Variants in HECW2 observed in about 807,000 individuals in gnomAD.
HECW2 encodes E3 ubiquitin-protein ligase HECW2.
In HECW2, 61 loss-of-function variants were observed where a neutral mutation model predicts 175.2. The observed-to-expected ratio is 0.35, with a 90% CI of 0.28 to 0.43. HECW2 has a LOEUF of 0.43. Ranked by LOEUF, HECW2 falls within the 20% of genes least tolerant of loss-of-function variation. HECW2 has a pLI of 1.00. For synonymous variants in HECW2, 671 were observed against 731.0 expected, an observed-to-expected ratio of 0.92 and a Z score of 1.32; for missense variants, 1,524 against 2,000.5, an observed-to-expected ratio of 0.76 and a Z score of 4.54.
intron 1 of HECW2, among the ~76,000 whole-genome samples, chr2:196,566,945 T>TC (rs1042907755): frequency 2.0e-5 from 3 of 152,242 alleles, no homozygotes; most frequent in African/African-American, 7.2e-5. Context: ...TGCTAGGCAT[T>TC]CCCCAAAATC....
intron 1 of HECW2, among the ~76,000 whole-genome samples, chr2:196,517,924 G>GC (rs1224346177): frequency 4.6e-5 from 7 of 152,134 alleles, no homozygotes; most frequent in African/African-American, 1.7e-4. Context: ...CCACCTCAAA[G>GC]CATCACCCAG....
chr2:196,515,818 T>G (rs1253404107), intron 1 of HECW2, among the ~76,000 whole-genome samples: 1 of 152,116 alleles, frequency 6.6e-6, no homozygotes, highest in East Asian at 1.9e-4. Flanking sequence ...TTTGCTACTA[T>G]GAGTGTTATT....
intron 2 of HECW2, among the ~76,000 whole-genome samples, chr2:196,385,161 C>G (rs1349419078): frequency 6.6e-6 from 1 of 152,102 alleles, no homozygotes; most frequent in Non-Finnish European, 1.5e-5. Flanking sequence ...ATCGTCCTGC[C>G]TTAGCCTCCC....
At chr2:196,377,848 A>G (rs2105914951) in intron 2 of HECW2, among the ~76,000 whole-genome samples, 1 of 152,398 alleles carries the variant, frequency 6.6e-6, no homozygotes, top group Middle Eastern at 3.4e-3. Flanking sequence ...AATACTGCTA[A>G]GCCAAATTAG....
chr2:196,328,075 A>T (rs1397168720), intron 5 of HECW2, among the ~76,000 whole-genome samples: 1 of 151,984 alleles, frequency 6.6e-6, no homozygotes, highest in East Asian at 1.9e-4. Flanking sequence ...AATTTTTTTT[A>T]CCTGTAAATT....
intron 2 of HECW2, among the ~76,000 whole-genome samples, chr2:196,362,376 CACACAG>C (rs1247818224): frequency 3.6e-4 from 43 of 118,844 alleles, no homozygotes; most frequent in African/African-American, 1.1e-3. Flanking sequence ...CACACACACA[CACACAG>C]AGTGGGCTGA....
intron 1 of HECW2, among the ~76,000 whole-genome samples, chr2:196,441,638 G>A (rs1696048361): frequency 6.6e-6 from 1 of 152,064 alleles, no homozygotes; most frequent in South Asian, 2.1e-4. Flanking sequence ...CCCCTCCAGT[G>A]GATTTCCCCT....
rs1214987924 is a variant in HECW2, at chr2:196,593,515, C to G, written c.-43G>C. ...AGAGTCCGGCCTCCTCACCTCCAGC[C>G]GCGCCGGCGCCCTTCCCGCTAGACG... On this transcript the variant is annotated 5_prime_UTR_variant, in exon 1 of 29. Transcript: ENST00000644978. 1 of 152,330 alleles carries G rather than the reference C, an allele frequency of 6.6e-6. No homozygotes were observed. The highest frequency in any genetic ancestry group is 1.5e-5 in the Non-Finnish European group (1 of 68,152). The allele number at this position is 152,330 out of a possible 1,614,324, so 9.4% of individuals were successfully genotyped here.
intron 2 of HECW2, among the ~76,000 whole-genome samples, chr2:196,412,831 G>T (rs1472745943): frequency 1.3e-5 from 2 of 152,154 alleles, no homozygotes; most frequent in African/African-American, 2.4e-5. Context: ...TTAAAATACT[G>T]CCCATGAATC....
chr2:196,550,622 A>G (rs1347153773), intron 1 of HECW2, among the ~76,000 whole-genome samples: 2 of 152,196 alleles, frequency 1.3e-5, no homozygotes, highest in African/African-American at 2.4e-5. Flanking sequence ...ATAAATACAC[A>G]GGTAAAGGGA....
intron 2 of HECW2, among the ~76,000 whole-genome samples, chr2:196,369,604 T>C (rs2105899874): frequency 6.6e-6 from 1 of 152,152 alleles, no homozygotes; most frequent in African/African-American, 2.4e-5. Flanking sequence ...GTCTTTCCCT[T>C]CAGGGCAGCA....
chr2:196,578,886 C>T (rs1159888542), intron 1 of HECW2, among the ~76,000 whole-genome samples: 1 of 152,090 alleles, frequency 6.6e-6, no homozygotes, highest in Admixed American at 6.6e-5. Flanking sequence ...CAACACCAAA[C>T]ATTAACTCAA....
chr2:196,373,459 T>C (rs555189182), intron 2 of HECW2, among the ~76,000 whole-genome samples: 54 of 152,344 alleles, frequency 3.5e-4, no homozygotes, highest in African/African-American at 1.2e-3. Context: ...ATGGCATTCA[T>C]CCAAAATGTC....
chr2:196,441,264 C>T, intron 1 of HECW2, among the ~76,000 whole-genome samples: 1 of 152,128 alleles, frequency 6.6e-6, no homozygotes, highest in South Asian at 2.1e-4. Context: ...TTAAGAAATG[C>T]ATCCTAGGAT....
At chr2:196,260,186 T>C (rs1322012399) in intron 17 of HECW2, 1 of 152,200 alleles carries the variant, frequency 6.6e-6, no homozygotes, top group African/African-American at 2.4e-5. Context: ...AAACTTTTCA[T>C]CACTTTCCAG....
chr2:196,587,270 A>G (rs1476538531), intron 1 of HECW2, among the ~76,000 whole-genome samples: 1 of 152,264 alleles, frequency 6.6e-6, no homozygotes, highest in Non-Finnish European at 1.5e-5. Context: ...CCATGGCTTC[A>G]TGCCACTATT....
At chr2:196,340,203 A>ATG (rs1692696021) in intron 3 of HECW2, among the ~76,000 whole-genome samples, 1 of 152,142 alleles carries the variant, frequency 6.6e-6, no homozygotes, top group Non-Finnish European at 1.5e-5. Context: ...TAATCTCTTC[A>ATG]CAATTTTAAA....
At chr2:196,518,612 G>A (rs367673936) in intron 1 of HECW2, among the ~76,000 whole-genome samples, 4 of 135,578 alleles carry the variant, frequency 3.0e-5, no homozygotes, top group East Asian at 2.2e-4. Flanking sequence ...CTGAGATTGC[G>A]CCACTGCACT....
chr2:196,460,465 C>T (rs747623405), intron 1 of HECW2, among the ~76,000 whole-genome samples: 13 of 145,044 alleles, frequency 9.0e-5, no homozygotes, highest in African/African-American at 2.8e-4. Context: ...AATGAGGATA[C>T]AAAAACAAAA....
Sources: gnomAD v4.1 joint callset for allele counts (sites outside exome capture counted in the v4.1 genomes callset) on GRCh38, gnomAD v4.1.1 for gene constraint, MANE v1.5 for transcripts, NCBI Gene and HGNC (gene_info 2026-07-23, HGNC 2026-07-21) for gene names.